Variants in CNTN1 observed in about 807,000 individuals in gnomAD.
CNTN1 encodes the protein contactin-1.
A neutral mutation model predicts 126.4 loss-of-function variants in CNTN1; 38 were observed. The ratio of observed to expected loss-of-function variants is 0.30; its 90% CI spans 0.23 to 0.39. CNTN1 has a LOEUF of 0.39. Among genes scored for constraint, CNTN1 ranks in the 10% least tolerant of loss-of-function variants. The pLI is 1.00. For synonymous variants in CNTN1, 413 were observed against 422.6 expected (o/e 0.98, Z 0.28); for missense variants, 1,009 against 1,248.4 (o/e 0.81, Z 2.89).
At chr12:40,816,021 G>A (rs186709751) in intron 1 of CNTN1, among the ~76,000 whole-genome samples, 11 of 152,266 alleles carry the variant, frequency 7.2e-5, no homozygotes, top group South Asian at 4.1e-4. Flanking sequence ...TGGTGGATAC[G>A]TTTTTTGGTG....
At chr12:40,955,741 A>G (rs911535893) in intron 14 of CNTN1, among the ~76,000 whole-genome samples, 4 of 152,120 alleles carry the variant, frequency 2.6e-5, no homozygotes, top group Non-Finnish European at 2.9e-5. Context: ...ATCAACAGTG[A>G]CACGATTACG....
chr12:41,018,041 G>A (rs1566153241), intron 19 of CNTN1, among the ~76,000 whole-genome samples: 1 of 150,942 alleles, frequency 6.6e-6, no homozygotes, highest in Non-Finnish European at 1.5e-5. Flanking sequence ...CGTGAGCCGA[G>A]ATCAGGCCAT....
Position 40,867,332 on chromosome 12 carries a change from A to C in CNTN1, c.-76-41025A>C, listed in dbSNP as rs1592179465. ...AAAGAAAAATATATCTACCATTAAT[A>C]AAATGGAAGGCTGGATGACACACAA... is the stretch of plus-strand genomic sequence containing the variant. On this transcript the variant is annotated intron_variant, in intron 1 of 23. Transcript: ENST00000551295. Among the ~76,000 whole-genome samples, 3 of 152,276 alleles carry C rather than the reference A, an allele frequency of 2.0e-5. No homozygotes were observed. The South Asian group carries it at 6.2e-4, about 32-fold the overall frequency.
chr12:40,697,544 T>G (rs1490362209), intron 1 of CNTN1, among the ~76,000 whole-genome samples: 1 of 152,234 alleles, frequency 6.6e-6, no homozygotes, highest in African/African-American at 2.4e-5. Flanking sequence ...ATGTATAGCT[T>G]TACTGTAGTT....
At chr12:40,806,950 A>G (rs998268086) in intron 1 of CNTN1, among the ~76,000 whole-genome samples, 17 of 152,134 alleles carry the variant, frequency 1.1e-4, no homozygotes, top group African/African-American at 4.1e-4. Context: ...TAGAAGCAAT[A>G]TTCTTTGCAG....
At chr12:40,922,991 AC>A (rs1945503718) in intron 5 of CNTN1, among the ~76,000 whole-genome samples, 2 of 139,372 alleles carry the variant, frequency 1.4e-5, no homozygotes, top group African/African-American at 5.4e-5. Context: ...AAAAAAAAAG[AC>A]ATCAATGGAA....
At chr12:40,898,131 G>A (rs1944479339) in intron 1 of CNTN1, among the ~76,000 whole-genome samples, 1 of 152,054 alleles carries the variant, frequency 6.6e-6, no homozygotes, top group African/African-American at 2.4e-5. Context: ...AGATTTTAAT[G>A]GAGTATCTTT....
At chr12:40,990,704 C>T (rs1230960925) in intron 16 of CNTN1, among the ~76,000 whole-genome samples, 1 of 152,200 alleles carries the variant, frequency 6.6e-6, no homozygotes, top group East Asian at 1.9e-4. Flanking sequence ...TGCAGCTTCT[C>T]CACACATCCA....
chr12:40,759,662 T>A (rs1237839950), intron 1 of CNTN1, among the ~76,000 whole-genome samples: 3 of 151,886 alleles, frequency 2.0e-5, no homozygotes. Flanking sequence ...AGAGATGTGG[T>A]CTTGCTGTGT....
At chr12:40,948,001 G>C (rs1291890229) in intron 14 of CNTN1, among the ~76,000 whole-genome samples, 1 of 151,514 alleles carries the variant, frequency 6.6e-6, no homozygotes, top group East Asian at 1.9e-4. Flanking sequence ...TCTGATCCAG[G>C]GATTAAAATT....
intron 1 of CNTN1, among the ~76,000 whole-genome samples, chr12:40,780,187 A>G (rs867457177): frequency 8.6e-5 from 13 of 152,038 alleles, no homozygotes; most frequent in Admixed American, 5.9e-4. Context: ...TTTGTAATTC[A>G]CAAATTTTAA....
At chr12:41,017,229 GAACAGAATCTC>G (rs1421361383) in intron 19 of CNTN1, among the ~76,000 whole-genome samples, 1 of 151,754 alleles carries the variant, frequency 6.6e-6, no homozygotes, top group Non-Finnish European at 1.5e-5. Flanking sequence ...CTCCATACTT[GAACAGAATCTC>G]AACATGTCTG....
chr12:41,056,140 T>A (rs1459411800), intron 23 of CNTN1, among the ~76,000 whole-genome samples: 1 of 152,140 alleles, frequency 6.6e-6, no homozygotes, highest in Non-Finnish European at 1.5e-5. Flanking sequence ...GCACTCATTT[T>A]TCAACAAACA....
chr12:40,886,240 C>T (rs1944025557), intron 1 of CNTN1, among the ~76,000 whole-genome samples: 1 of 151,958 alleles, frequency 6.6e-6, no homozygotes, highest in Middle Eastern at 3.2e-3. Flanking sequence ...TTCTGTGTTT[C>T]CAGTATGGTA....
intron 23 of CNTN1, among the ~76,000 whole-genome samples, chr12:41,068,987 T>TATCTTAAAATCTTAAA (rs1950106897): frequency 2.0e-5 from 3 of 152,148 alleles, no homozygotes; most frequent in Admixed American, 6.5e-5. Flanking sequence ...CAAGACCCTG[T>TATCTTAAAATCTTAAA]ATCTTAAAAA....
intron 1 of CNTN1, among the ~76,000 whole-genome samples, chr12:40,766,830 C>T (rs1268082260): frequency 6.6e-6 from 1 of 152,134 alleles, no homozygotes; most frequent in Non-Finnish European, 1.5e-5. Flanking sequence ...GTGACTGCCA[C>T]CTTTTAGATG....
intron 1 of CNTN1, among the ~76,000 whole-genome samples, chr12:40,700,279 G>A (rs576203998): frequency 6.6e-6 from 1 of 152,136 alleles, no homozygotes; most frequent in South Asian, 2.1e-4. Flanking sequence ...TGTAATCCCA[G>A]CACTTTGGGA....
At chr12:40,739,086 T>A (rs1281381027) in intron 1 of CNTN1, among the ~76,000 whole-genome samples, 2 of 152,072 alleles carry the variant, frequency 1.3e-5, no homozygotes, top group African/African-American at 4.8e-5. Flanking sequence ...TTTTCTGGCA[T>A]CAGTATGTTA....
At chr12:41,014,367 T>A in intron 18 of CNTN1, 69 bp downstream of exon 18, 1 of 1,510,818 alleles carries the variant, frequency 6.6e-7, no homozygotes, top group Non-Finnish European at 9.2e-7. Context: ...CCATTTTGTT[T>A]CCTGAAATAA....
Sources: gnomAD v4.1 joint callset for allele counts (sites outside exome capture counted in the v4.1 genomes callset) on GRCh38, gnomAD v4.1.1 for gene constraint, MANE v1.5 for transcripts, NCBI Gene and HGNC (gene_info 2026-07-23, HGNC 2026-07-21) for gene names.